Variants in PARD3B observed in about 807,000 individuals in gnomAD.
PARD3B encodes par-3 family cell polarity regulator beta, also known as partitioning defective 3 homolog B.
In PARD3B, 103 loss-of-function variants were observed where a neutral mutation model predicts 130.2. The observed-to-expected ratio is 0.79, with a 90% confidence interval of 0.67 to 0.93. PARD3B has a LOEUF of 0.93. Among genes scored for constraint, PARD3B ranks in the 40% least tolerant of loss-of-function variants. The pLI is 0.00. For synonymous variants in PARD3B, 583 were observed against 553.2 expected, an observed-to-expected ratio of 1.05 and a Z score of -0.76; for missense variants, 1,609 against 1,499.2, an observed-to-expected ratio of 1.07 and a Z score of -1.21.
chr2:205,036,456 A>C (rs574063824), intron 3 of PARD3B, among the ~76,000 whole-genome samples: 1 of 147,980 alleles, frequency 6.8e-6, no homozygotes. Flanking sequence ...TATATATAAA[A>C]ATATATGTAT....
intron 11 of PARD3B, among the ~76,000 whole-genome samples, chr2:205,159,590 C>T (rs548803212): frequency 2.6e-5 from 4 of 152,250 alleles, no homozygotes; most frequent in East Asian, 1.9e-4. Context: ...ATTTCCTCAC[C>T]GGTAGAATGG....
chr2:204,829,961 T>C (rs1445721588), intron 2 of PARD3B, among the ~76,000 whole-genome samples: 2 of 129,738 alleles, frequency 1.5e-5, no homozygotes, highest in Admixed American at 9.7e-5. Flanking sequence ...ATCGCGCCAC[T>C]GCACTCCAGC....
intron 1 of PARD3B, among the ~76,000 whole-genome samples, chr2:204,620,339 C>T (rs1220045631): frequency 6.6e-6 from 1 of 152,058 alleles, no homozygotes; most frequent in Non-Finnish European, 1.5e-5. Context: ...TTAGCCACCT[C>T]ACCCGGCCCA....
At chr2:204,964,158 C>T (rs1359800991) in intron 2 of PARD3B, among the ~76,000 whole-genome samples, 1 of 152,144 alleles carries the variant, frequency 6.6e-6, no homozygotes, top group Non-Finnish European at 1.5e-5. Flanking sequence ...TGCTGGTTTT[C>T]ACATTTACAC....
At chr2:205,245,884 T>C (rs1429684591) in intron 16 of PARD3B, 62 bp downstream of exon 16, 6 of 1,403,030 alleles carry the variant, frequency 4.3e-6, no homozygotes, top group African/African-American at 1.4e-5. Context: ...TGTGTTTTAG[T>C]AGCAGTTGGA....
intron 14 of PARD3B, among the ~76,000 whole-genome samples, chr2:205,190,546 A>G (rs2036339697): frequency 6.6e-6 from 1 of 152,212 alleles, no homozygotes; most frequent in Non-Finnish European, 1.5e-5. Context: ...GATCAGCAAC[A>G]ACCTGTGTCC....
At chr2:204,672,761 T>A (rs2036366210) in intron 1 of PARD3B, among the ~76,000 whole-genome samples, 1 of 152,200 alleles carries the variant, frequency 6.6e-6, no homozygotes. Context: ...GCTGATTTTA[T>A]TCTTTCCCAA....
chr2:205,161,711 T>C (rs2034517285), intron 11 of PARD3B, among the ~76,000 whole-genome samples: 2 of 152,202 alleles, frequency 1.3e-5, no homozygotes, highest in Admixed American at 6.5e-5. Flanking sequence ...AGATCAGCAC[T>C]GGGAACATCT....
rs1345352302 is a variant in PARD3B at position 204,642,482 on chromosome 2, A to T, written c.121-43699A>T. Among the ~76,000 whole-genome samples, 2 of 152,192 alleles carry T rather than the reference A, an allele frequency of 1.3e-5. 1 individual carries two copies. Among genetic ancestry groups the T allele is most frequent in the Admixed American group, 1.3e-4 (2 of 15,282 alleles). On this transcript the variant is annotated intron_variant, in intron 1 of 22. Coordinates refer to ENST00000406610, the MANE Select transcript of PARD3B (RefSeq NM_001302769.2). Reference sequence around the variant, plus strand: ...AGGTTGGTAATTCAGCAAGAAGATTACTTAGAAAACTTTTAGAATTGGTTT... The same window carrying T: ...AGGTTGGTAATTCAGCAAGAAGATTTCTTAGAAAACTTTTAGAATTGGTTT...
At position 204,828,059 on chromosome 2, in the gene PARD3B, G is replaced by A. The variant is rs930169449; in HGVS notation, c.223-137093G>A. Among the ~76,000 whole-genome samples, 9 of 151,478 alleles carry A rather than the reference G, an allele frequency of 5.9e-5. No individual in the cohort carries two copies. The South Asian group carries it at 6.3e-4, about 11-fold the overall frequency. On this transcript the variant is annotated intron_variant, in intron 2 of 22. Transcript: ENST00000406610. The stretch of plus-strand genomic sequence containing the variant: ...CATCTGCCCCGGTCCAGTGTAGAGC[G>A]TAAAATGTAGTGCATCTGAACTACA...
In PARD3B at chr2:205,121,941, T is replaced by G. The variant is rs1318913518; in HGVS notation, c.1157T>G (p.Leu386Arg). The G allele has an allele frequency of 1.3e-6, 2 of 1,598,000 alleles. No homozygotes were observed. The highest frequency in any genetic ancestry group is 2.7e-5 in the African/African-American group (2 of 74,256). ...AATGCAAAGAAAATTAAGATTGACC[T>G]AAAGAAAGGTAATTATTAAATTATG... Reference protein sequence around the residue: ...NKNAKKIKIDLKKGPEGLGFT... With the variant: ...NKNAKKIKIDRKKGPEGLGFT... Residue 386 changes from leucine (L) to arginine (R), a missense_variant, in exon 8 of 23, where the codon CTA becomes CGA. Coordinates refer to ENST00000406610, the MANE Select transcript of PARD3B (RefSeq NM_001302769.2). This position sits in a 1 kb window ranked among gnomAD's most constrained non-coding sequence, Gnocchi z 5.0.
chr2:205,253,406 C>G lies in PARD3B; in HGVS notation c.2185+7584C>G. 1.8e-6 allele frequency: 1 copy of G among 567,636 alleles called. No individual in the cohort carries two copies. Among genetic ancestry groups the G allele is most frequent in the Non-Finnish European group, 3.5e-6 (1 of 281,714 alleles). 35.2% of individuals were successfully genotyped at this position (567,636 alleles called of 1,614,324 possible). On this transcript the variant is annotated intron_variant, in intron 16 of 22. Transcript: ENST00000406610. The surrounding 1 kb of genome is among the most constrained non-coding windows in gnomAD (Gnocchi z 4.4). ...ACACACCCATGGCCATACGTTTGGT[C>G]TTCTTGGCCTTGGCTGGGCTGGTGG...
chr2:205,312,667 C>T (rs185481551), intron 18 of PARD3B, among the ~76,000 whole-genome samples: 1 of 152,186 alleles, frequency 6.6e-6, no homozygotes. Context: ...CTCTCTTCAG[C>T]CCATCTTAAA....
chr2:204,723,907 A>G (rs1323506560), intron 2 of PARD3B, among the ~76,000 whole-genome samples: 2 of 152,188 alleles, frequency 1.3e-5, no homozygotes, highest in Non-Finnish European at 2.9e-5. Context: ...TCTTCTGGCA[A>G]GAAATAGTGA....
intron 1 of PARD3B, among the ~76,000 whole-genome samples, chr2:204,676,880 G>C (rs1190693481): frequency 6.6e-6 from 1 of 152,024 alleles, no homozygotes; most frequent in African/African-American, 2.4e-5. Context: ...ATGTTGGTCA[G>C]GGTGGTCTCA....
At chr2:205,148,380 T>C (rs2033516749) in intron 10 of PARD3B, among the ~76,000 whole-genome samples, 1 of 152,146 alleles carries the variant, frequency 6.6e-6, no homozygotes, top group South Asian at 2.1e-4. Context: ...AAAAGTACAA[T>C]TGAAAATAAA....
At chr2:204,828,360 T>C (rs899874982) in intron 2 of PARD3B, among the ~76,000 whole-genome samples, 3 of 152,206 alleles carry the variant, frequency 2.0e-5, no homozygotes, top group Non-Finnish European at 4.4e-5. Context: ...GTTTTTGCCC[T>C]GTGTTCTTTC....
intron 2 of PARD3B, among the ~76,000 whole-genome samples, chr2:204,705,938 TC>T (rs1160883526): frequency 2.6e-5 from 4 of 152,170 alleles, no homozygotes; most frequent in African/African-American, 9.7e-5. Context: ...ATATTTCTGT[TC>T]TAAATACTTG....
intron 22 of PARD3B, among the ~76,000 whole-genome samples, chr2:205,556,207 C>T (rs1055538151): frequency 3.9e-5 from 6 of 152,166 alleles, no homozygotes; most frequent in Non-Finnish European, 8.8e-5. Flanking sequence ...AGGAATAAAT[C>T]CATCTGTAGG....
Sources: allele counts gnomAD v4.1 joint callset (sites outside exome capture counted in the v4.1 genomes callset), GRCh38; gene constraint gnomAD v4.1.1; non-coding constraint Gnocchi (gnomAD v3.1); transcripts MANE v1.5; gene names NCBI Gene and HGNC (gene_info 2026-07-23, HGNC 2026-07-21).